The following SV2B variants were observed in gnomAD, a reference collection of about 807,000 sequenced individuals.
SV2B encodes solute carrier family 22 member B2.
Under a neutral mutation model 73.9 loss-of-function variants are expected in SV2B, and 41 were observed. The observed-to-expected ratio is 0.56, with a 90% confidence interval of 0.43 to 0.72. The LOEUF is 0.72. Ranked by LOEUF, SV2B falls within the 30% of genes least tolerant of loss-of-function variation. The probability of loss-of-function intolerance (pLI) is 0.00; values close to 1 mark genes in which losing one functional copy is unlikely to be tolerated. For missense variants in SV2B, 764 were observed against 857.8 expected (o/e 0.89, Z 1.37); for synonymous variants, 314 against 314.2 (o/e 1.00, Z 0.01).
At chr15:91,175,390 G>C (rs1363976448) in intron 1 of SV2B, among the ~76,000 whole-genome samples, 31 of 152,068 alleles carry the variant, frequency 2.0e-4, no homozygotes, top group Admixed American at 2.0e-3. Flanking sequence ...GAGTAGCTGG[G>C]ACTACAGGCA....
In SV2B at chr15:91,281,733, C is replaced by G. The variant is rs750546987; in HGVS notation, c.1379C>G (p.Thr460Arg). 6.2e-5 allele frequency: 99 copies of G among 1,601,144 alleles called. No individual in the cohort carries two copies. The highest frequency in any genetic ancestry group is 7.9e-5 in the Non-Finnish European group (93 of 1,171,062). ...GGGTCAACCTCTTCCCACAGGTTCA[C>G]AAGAATGTACTTTAAACATGTACTC... is the stretch of plus-strand genomic sequence containing the variant. ...QHGKLVNDKFTRMYFKHVLFE... is the reference protein window; with the variant it reads ...QHGKLVNDKFRRMYFKHVLFE... Residue 460 changes from threonine to arginine, a missense_variant, in exon 10 of 13, where the codon ACA (threonine) becomes AGA (arginine). Transcript: ENST00000394232. This position sits in a 1 kb window ranked among gnomAD's most constrained non-coding sequence, Gnocchi z 4.7.
rs569781847 is a variant in SV2B, at chr15:91,238,870, G to A, written c.451+12156G>A. Among the ~76,000 whole-genome samples, 8 of 152,194 alleles carry A rather than the reference G, an allele frequency of 5.3e-5. No individual in the cohort carries two copies. The South Asian group carries it at 6.3e-4, about 12-fold the overall frequency. On this transcript the variant is annotated intron_variant, in intron 2 of 12. Transcript: ENST00000394232. ...ACAAAGAATTTCCCGCATCCCTTCC[G>A]CCAGCAACCCGGTCAGACAGAGAAC...
At chr15:91,167,112 C>T (rs999419783) in intron 1 of SV2B, among the ~76,000 whole-genome samples, 4 of 152,018 alleles carry the variant, frequency 2.6e-5, no homozygotes, top group African/African-American at 4.8e-5. Context: ...CGCGCCCGGC[C>T]GTATAGTTTT....
intron 6 of SV2B, among the ~76,000 whole-genome samples, chr15:91,262,830 C>T (rs545975118): frequency 2.4e-4 from 37 of 152,318 alleles, no homozygotes; most frequent in Admixed American, 8.5e-4. Context: ...GTAGTGCTCC[C>T]GCTGTGCTGC....
At chr15:91,212,978 T>TA (rs34863204) in intron 1 of SV2B, among the ~76,000 whole-genome samples, 25,062 of 126,968 alleles carry the variant, frequency 0.2, 3,204 homozygotes, top group African/African-American at 0.38. Context: ...CTGTCTCTAC[T>TA]AAAAAAAAAA....
At chr15:91,212,043 C>T (rs2045887472) in intron 1 of SV2B, among the ~76,000 whole-genome samples, 3 of 152,202 alleles carry the variant, frequency 2.0e-5, no homozygotes, top group Non-Finnish European at 4.4e-5. Flanking sequence ...CAGGTTATAA[C>T]ATCTCTTCTT....
chr15:91,276,223 C>T (rs576603377), intron 9 of SV2B, among the ~76,000 whole-genome samples: 2 of 151,588 alleles, frequency 1.3e-5, no homozygotes, highest in South Asian at 4.2e-4. Context: ...AAGATTTTCC[C>T]TTTATATTTG....
intron 9 of SV2B, among the ~76,000 whole-genome samples, chr15:91,274,580 C>G (rs2048422394): frequency 6.6e-6 from 1 of 152,150 alleles, no homozygotes; most frequent in Non-Finnish European, 1.5e-5. Flanking sequence ...TATTCATCGT[C>G]TTGTCTTAGG....
rs957309199 is a variant in SV2B at position 91,294,252 on chromosome 15, T to A, written c.*1700T>A. On this transcript the variant is annotated 3_prime_UTR_variant, in exon 13 of 13. Coordinates refer to ENST00000394232, the MANE Select transcript of SV2B (RefSeq NM_001323032.3). This position sits in a 1 kb window ranked among gnomAD's most constrained non-coding sequence, Gnocchi z 4.1. ...GGTCCTATGATAGCTTCGGGACATCTTTCTGTAATTTTCCTCAATTAACGG... is the reference window on the plus strand; with the variant it reads ...GGTCCTATGATAGCTTCGGGACATCATTCTGTAATTTTCCTCAATTAACGG... The A allele has an allele frequency of 6.6e-6, 1 of 152,230 alleles. No homozygotes were observed. Among genetic ancestry groups the A allele is most frequent in the Non-Finnish European group, 1.5e-5 (1 of 68,030 alleles). The allele number at this position is 152,230 out of a possible 1,614,324, so 9.4% of individuals were successfully genotyped here. A position where few individuals can be genotyped will look rare whatever the true frequency, so the allele number is the denominator to read the frequency against.
Position 91,197,550 on chromosome 15 carries a change from AAAACC to A in SV2B, c.-391-28308_-391-28304del, listed in dbSNP as rs200801575. Among the ~76,000 whole-genome samples the A allele has an allele frequency of 9.7e-3, 1,464 of 151,050 alleles. 22 individuals carry two copies. Among genetic ancestry groups the A allele is most frequent in the African/African-American group, 0.034 (1,374 of 40,524 alleles). Reference sequence around the variant, plus strand: ...TCATTGTTTTTAATAGAAGAAAAAAAAAACCAAACCAAACCAAACAAAACAAAACA... The same window carrying A: ...TCATTGTTTTTAATAGAAGAAAAAAAAAACCAAACCAAACAAAACAAAACA... On this transcript the variant is annotated intron_variant, in intron 1 of 12. Transcript: ENST00000394232. This position sits in a 1 kb window ranked among gnomAD's most constrained non-coding sequence, Gnocchi z 4.9.
chr15:91,113,199 C>T (rs1411397411), intron 1 of SV2B, among the ~76,000 whole-genome samples: 3 of 152,178 alleles, frequency 2.0e-5, no homozygotes, highest in Non-Finnish European at 2.9e-5. Context: ...TTCATTTCCT[C>T]GTCCTCCTGG....
At chr15:91,230,579 A>G (rs575606999) in intron 2 of SV2B, among the ~76,000 whole-genome samples, 2 of 152,318 alleles carry the variant, frequency 1.3e-5, no homozygotes, top group Admixed American at 6.5e-5. Context: ...TGGGGAAGAA[A>G]AAGATCTGTG....
chr15:91,269,747 A>G (rs889182883), intron 9 of SV2B, among the ~76,000 whole-genome samples: 1 of 152,240 alleles, frequency 6.6e-6, no homozygotes, highest in Non-Finnish European at 1.5e-5. Context: ...AGTGTGCAAT[A>G]AAAAGGAGAA....
At chr15:91,277,848 C>G (rs1428509480) in intron 9 of SV2B, among the ~76,000 whole-genome samples, 1 of 151,988 alleles carries the variant, frequency 6.6e-6, no homozygotes, top group Non-Finnish European at 1.5e-5. Context: ...TATTATTTCC[C>G]TTTTTGTTCT....
intron 9 of SV2B, among the ~76,000 whole-genome samples, chr15:91,279,414 G>C (rs1023542499): frequency 2.0e-5 from 3 of 152,218 alleles, no homozygotes. Flanking sequence ...GGCTTCTGTT[G>C]CCTTAAAGGA....
intron 1 of SV2B, chr15:91,101,890 T>C (rs1170413469): frequency 6.6e-6 from 1 of 152,210 alleles, no homozygotes; most frequent in East Asian, 1.9e-4. Context: ...TTTTAATGAA[T>C]GCTTTTCCTG....
chr15:91,175,091 C>A (rs2044254622), intron 1 of SV2B, among the ~76,000 whole-genome samples: 1 of 152,268 alleles, frequency 6.6e-6, no homozygotes, highest in South Asian at 2.1e-4. Context: ...ATGAAGTAGT[C>A]TGGAAAAGAG....
At position 91,242,236 on chromosome 15, in the gene SV2B, G is replaced by C. The variant is rs2047048621; in HGVS notation, c.452-9583G>C. On this transcript the variant is annotated intron_variant, in intron 2 of 12. Transcript: ENST00000394232. The surrounding 1 kb of genome is among the most constrained non-coding windows in gnomAD (Gnocchi z 4.9). Reference sequence around the variant, plus strand: ...ATCACTGGTCTCTCTTCATATTCCTGGCCTTTAAATGTTGGAATGTCTCAG... The same window carrying C: ...ATCACTGGTCTCTCTTCATATTCCTCGCCTTTAAATGTTGGAATGTCTCAG... 6.6e-6 allele frequency among the ~76,000 whole-genome samples: 1 copy of C among 152,110 alleles called. No homozygotes were observed. The highest frequency in any genetic ancestry group is 1.5e-5 in the Non-Finnish European group (1 of 68,024).
At chr15:91,246,889 GCTTT>G (rs1336433301) in intron 2 of SV2B, among the ~76,000 whole-genome samples, 1 of 152,062 alleles carries the variant, frequency 6.6e-6, no homozygotes, top group Non-Finnish European at 1.5e-5. Context: ...TGAATTTCTG[GCTTT>G]CTAACTAGTT....
Sources: allele counts gnomAD v4.1 joint callset (sites outside exome capture counted in the v4.1 genomes callset), GRCh38; gene constraint gnomAD v4.1.1; non-coding constraint Gnocchi (gnomAD v3.1); transcripts MANE v1.5; gene names NCBI Gene and HGNC (gene_info 2026-07-23, HGNC 2026-07-21).